Variants in KIF27 observed in about 807,000 individuals in gnomAD.
KIF27 encodes the protein kinesin family member 27.
In KIF27, 84 loss-of-function variants were observed where a neutral mutation model predicts 141.8. The ratio of observed to expected loss-of-function variants is 0.59; its 90% CI spans 0.50 to 0.71. The LOEUF is 0.71. KIF27 is among the 30% of genes least tolerant of loss of function. The pLI is 0.00. For missense variants in KIF27, 1,306 were observed against 1,628.4 expected (o/e 0.80, Z 3.41); for synonymous variants, 471 against 569.5 (o/e 0.83, Z 2.46).
rs558521692 is a variant in KIF27, at chr9:83,921,426, C to T, written c.-143G>A. 6.6e-6 allele frequency: 1 copy of T among 152,622 alleles called. No individual in the cohort carries two copies. Among genetic ancestry groups the T allele is most frequent in the Non-Finnish European group, 1.5e-5 (1 of 68,370 alleles). 9.5% of individuals were successfully genotyped at this position (152,622 alleles called of 1,614,324 possible). On this transcript the variant is annotated 5_prime_UTR_variant, in exon 1 of 18. Transcript: ENST00000297814. ...GAGCGCTGGACTCCTCAGCTTCGCT[C>T]TGCCACACCGCGCAGCCGCCGTCCG...
At chr9:83,887,611 G>C (rs1952228649) in intron 8 of KIF27, among the ~76,000 whole-genome samples, 1 of 152,094 alleles carries the variant, frequency 6.6e-6, no homozygotes, top group Non-Finnish European at 1.5e-5. Context: ...AGCACTGTTT[G>C]TTACTGTCCT....
At chr9:83,883,425 T>C (rs1951836129) in intron 10 of KIF27, among the ~76,000 whole-genome samples, 1 of 152,250 alleles carries the variant, frequency 6.6e-6, no homozygotes, top group African/African-American at 2.4e-5. Flanking sequence ...AGCCAATCAG[T>C]TATGGTTTGG....
intron 9 of KIF27, 95 bp downstream of exon 9, chr9:83,886,946 C>G: frequency 7.4e-7 from 1 of 1,356,478 alleles, no homozygotes; most frequent in Non-Finnish European, 9.7e-7. Context: ...AGTGGATAGA[C>G]CTGAGCTTCA....
chr9:83,845,720 G>A (rs2131554670), intron 16 of KIF27, among the ~76,000 whole-genome samples: 1 of 152,346 alleles, frequency 6.6e-6, no homozygotes, highest in East Asian at 1.9e-4. Context: ...TGCATGGAAG[G>A]AGAAATGGCC....
Position 83,844,520 on chromosome 9 carries a change from A to C in KIF27, c.3557-2119T>G, listed in dbSNP as rs540789707. On this transcript the variant is annotated intron_variant, in intron 16 of 17. Transcript: ENST00000297814. ...TTGGCTGCTTAATCTGATTAGACCC[A>C]AAAATGCTAAGGACTCTACTCCTAA... Among the ~76,000 whole-genome samples, 817 of 152,170 alleles carry C rather than the reference A, an allele frequency of 5.4e-3. 6 individuals are homozygous for C. Among genetic ancestry groups the C allele is most frequent in the Admixed American group, 0.01 (157 of 15,270 alleles).
At chr9:83,918,588 T>TA (rs1955935977) in intron 1 of KIF27, among the ~76,000 whole-genome samples, 1 of 152,102 alleles carries the variant, frequency 6.6e-6, no homozygotes. Context: ...TACAAATGAA[T>TA]AATGAGCACA....
At chr9:83,869,594 G>C (rs2132029866) in intron 12 of KIF27, among the ~76,000 whole-genome samples, 1 of 152,276 alleles carries the variant, frequency 6.6e-6, no homozygotes, top group Middle Eastern at 3.4e-3. Flanking sequence ...AGGCGTGGTG[G>C]TGGGCACCTG....
chr9:83,880,059 G>A (rs1951548216), intron 11 of KIF27: 5 of 570,612 alleles, frequency 8.8e-6, no homozygotes, highest in South Asian at 2.9e-5. Flanking sequence ...ATCCTACTAA[G>A]AGAAATTATC....
intron 13 of KIF27, among the ~76,000 whole-genome samples, chr9:83,866,713 T>C (rs1426478008): frequency 2.6e-5 from 4 of 151,986 alleles, no homozygotes; most frequent in African/African-American, 9.7e-5. Context: ...CAGTCTCTAC[T>C]AAAAATACAA....
At chr9:83,844,151 C>T (rs1034283119) in intron 16 of KIF27, among the ~76,000 whole-genome samples, 1 of 152,080 alleles carries the variant, frequency 6.6e-6, no homozygotes, top group Non-Finnish European at 1.5e-5. Context: ...CATCTTTCTC[C>T]CATGCTGGAT....
In KIF27 at chr9:83,903,960, C is replaced by T. The variant is rs1377294680; in HGVS notation, c.558G>A (p.Leu186=). ...VESAGEVMSL[L]EMGNAARHTG... ...TATGTCTGGCTGCATTCCCCATCTC[C>T]AAAAGACTCATCACTTCACCTGCAC... is the stretch of plus-strand genomic sequence containing the variant. Residue 186 remains leucine (L), a synonymous_variant, in exon 4 of 18, where the codon TTG becomes TTA. Transcript: ENST00000297814. 6.2e-7 allele frequency: 1 copy of T among 1,614,086 alleles called. No individual in the cohort carries two copies. The highest frequency in any genetic ancestry group is 1.7e-5 in the Admixed American group (1 of 60,016).
At chr9:83,856,841 T>C (rs190245476) in intron 14 of KIF27, among the ~76,000 whole-genome samples, 1 of 140,834 alleles carries the variant, frequency 7.1e-6, no homozygotes, top group Non-Finnish European at 1.5e-5. Context: ...ACCCAGGAGA[T>C]GGAGGCAGTG....
At chr9:83,863,252 C>A (rs1445913781) in intron 13 of KIF27, among the ~76,000 whole-genome samples, 2 of 152,072 alleles carry the variant, frequency 1.3e-5, no homozygotes, top group Non-Finnish European at 2.9e-5. Flanking sequence ...CTGTCTTGTG[C>A]CAGTTTTCAA....
Position 83,836,969 on chromosome 9 carries a change from A to G in KIF27, c.*32T>C. On this transcript the variant is annotated 3_prime_UTR_variant, in exon 18 of 18. Transcript: ENST00000297814. ...ACAGGTTAGAAAAAGGAATCTTTTTACATATCTACTAAAAGTTCTATTATT... is the reference window on the plus strand; with the variant it reads ...ACAGGTTAGAAAAAGGAATCTTTTTGCATATCTACTAAAAGTTCTATTATT... 6.3e-7 allele frequency: 1 copy of G among 1,584,776 alleles called. No homozygotes were observed. Among genetic ancestry groups the G allele is most frequent in the Non-Finnish European group, 8.5e-7 (1 of 1,169,920 alleles).
At chr9:83,848,547 TATATC>T (rs1030623231) in intron 16 of KIF27, 6 of 146,036 alleles carry the variant, frequency 4.1e-5, no homozygotes, top group South Asian at 2.1e-4. Context: ...TGTATATACA[TATATC>T]TATATCTATA....
intron 1 of KIF27, among the ~76,000 whole-genome samples, chr9:83,918,271 A>T (rs73463379): frequency 0.14 from 19,561 of 144,028 alleles, 1,371 homozygotes; most frequent in African/African-American, 0.15. Flanking sequence ...TAATGTGGAC[A>T]GCAGAGCAAG....
In KIF27 at chr9:83,844,311, G is replaced by GATAGCTATATATATTT. The variant is rs1946944014; in HGVS notation, c.3557-1911_3557-1910insAAATATATATAGCTAT. Among the ~76,000 whole-genome samples, 4 of 143,596 alleles carry GATAGCTATATATATTT rather than the reference G, an allele frequency of 2.8e-5. No homozygotes were observed. The East Asian group carries it at 8.0e-4, about 29-fold the overall frequency. The allele number at this position is 143,596 out of a possible 152,430, so 94.2% of individuals were successfully genotyped here. Reference sequence around the variant, plus strand: ...ACTCCCCTTTATATATATAGAGAGAGATATAGATATATAGATAGCTATATA... The same window carrying GATAGCTATATATATTT: ...ACTCCCCTTTATATATATAGAGAGAGATAGCTATATATATTTATATAGATATATAGATAGCTATATA... On this transcript the variant is annotated intron_variant, in intron 16 of 17. Transcript: ENST00000297814.
chr9:83,848,208 GAT>G (rs1184060477), intron 16 of KIF27, among the ~76,000 whole-genome samples: 587 of 43,418 alleles, frequency 0.014, 60 homozygotes, highest in Non-Finnish European at 0.019. Flanking sequence ...TATCAGATAT[GAT>G]ATATATGATA....
At chr9:83,843,145 C>A (rs1160325125) in intron 16 of KIF27, among the ~76,000 whole-genome samples, 2 of 146,474 alleles carry the variant, frequency 1.4e-5, no homozygotes, top group Non-Finnish European at 3.0e-5. Flanking sequence ...AAGAAATATA[C>A]AGCCAAAACC....
Sources: gnomAD v4.1 joint callset for allele counts (sites outside exome capture counted in the v4.1 genomes callset) on GRCh38, gnomAD v4.1.1 for gene constraint, MANE v1.5 for transcripts, NCBI Gene and HGNC (gene_info 2026-07-23, HGNC 2026-07-21) for gene names.